PDZD2: variants seen among roughly 807,000 people sequenced by gnomAD.
The protein encoded by PDZD2 is PDZ domain-containing protein 2.
In PDZD2, 90 loss-of-function variants were observed where a neutral mutation model predicts 220.7. The ratio of observed to expected loss-of-function variants is 0.41; its 90% CI spans 0.34 to 0.49. The LOEUF (loss-of-function observed/expected upper bound fraction) is 0.49, where lower values mean the gene tolerates loss of function less well. PDZD2 is among the 20% of genes least tolerant of loss of function. The probability of loss-of-function intolerance (pLI) is 0.28; values close to 1 mark genes in which losing one functional copy is unlikely to be tolerated. For synonymous variants in PDZD2, 1,375 were observed against 1,450.5 expected, an observed-to-expected ratio of 0.95 and a Z score of 1.18; for missense variants, 3,174 against 3,608.5, an observed-to-expected ratio of 0.88 and a Z score of 3.08.
At chr5:32,017,069 C>T (rs1250791537) in intron 6 of PDZD2, among the ~76,000 whole-genome samples, 3 of 152,130 alleles carry the variant, frequency 2.0e-5, no homozygotes, top group Admixed American at 1.3e-4. Context: ...CTCACCATCC[C>T]GCAATGCCCC....
intron 1 of PDZD2, among the ~76,000 whole-genome samples, chr5:31,794,931 C>G (rs1753942562): frequency 6.6e-6 from 1 of 152,102 alleles, no homozygotes; most frequent in Non-Finnish European, 1.5e-5. Context: ...TACATGACAG[C>G]CCGGTGTGAA....
chr5:31,790,573 G>C (rs958566030), intron 1 of PDZD2, among the ~76,000 whole-genome samples: 1 of 152,018 alleles, frequency 6.6e-6, no homozygotes, highest in Admixed American at 6.6e-5. Flanking sequence ...AAGCATCCCA[G>C]GCTGTTGTGG....
At chr5:31,973,443 C>T (rs1045864485) in intron 2 of PDZD2, among the ~76,000 whole-genome samples, 11 of 152,176 alleles carry the variant, frequency 7.2e-5, no homozygotes, top group Admixed American at 2.0e-4. Context: ...TCTCCCTCTT[C>T]GTACTCCTTA....
intron 23 of PDZD2, chr5:32,099,129 A>T (rs1337395696): frequency 1.3e-5 from 2 of 154,810 alleles, no homozygotes; most frequent in African/African-American, 2.4e-5. Flanking sequence ...AACCAAGAAG[A>T]ACTCACTGGA....
rs1434643529 is a variant in PDZD2, at chr5:32,083,360, C to T, written c.3683-3771C>T. 2.0e-5 allele frequency: 3 copies of T among 152,224 alleles called. No individual in the cohort carries two copies. Among genetic ancestry groups the T allele is most frequent in the Non-Finnish European group, 4.4e-5 (3 of 68,050 alleles). 9.4% of individuals were successfully genotyped at this position (152,224 alleles called of 1,614,324 possible). A position where few individuals can be genotyped will look rare whatever the true frequency, so the allele number is the denominator to read the frequency against. On this transcript the variant is annotated intron_variant, in intron 19 of 24. Coordinates refer to ENST00000438447, the MANE Select transcript of PDZD2 (RefSeq NM_178140.4). This position sits in a 1 kb window ranked among gnomAD's most constrained non-coding sequence, Gnocchi z 4.1. ...CAGGCTGTCCCTCGCACTGACCACT[C>T]TGCTGTCAGCACACCCATAGCCTAC...
intron 9 of PDZD2, among the ~76,000 whole-genome samples, chr5:32,052,994 G>A (rs993412645): frequency 2.0e-5 from 3 of 152,070 alleles, no homozygotes; most frequent in African/African-American, 7.2e-5. Flanking sequence ...TCTTTAAATG[G>A]TTACTTTTTA....
intron 1 of PDZD2, among the ~76,000 whole-genome samples, chr5:31,652,809 G>A (rs1301821136): frequency 1.3e-5 from 2 of 152,116 alleles, no homozygotes; most frequent in Admixed American, 6.5e-5. Context: ...TCAGGAGTTC[G>A]AGACCAGCCT....
intron 2 of PDZD2, among the ~76,000 whole-genome samples, chr5:31,845,607 G>A (rs1438628819): frequency 6.6e-6 from 1 of 152,198 alleles, no homozygotes; most frequent in Non-Finnish European, 1.5e-5. Flanking sequence ...GAAGTGGCAG[G>A]AAGTAAGATC....
At chr5:31,951,647 A>G (rs1231893233) in intron 2 of PDZD2, among the ~76,000 whole-genome samples, 1 of 152,204 alleles carries the variant, frequency 6.6e-6, no homozygotes, top group Non-Finnish European at 1.5e-5. Context: ...TCCTTTGTAT[A>G]CATGTGCCAC....
chr5:31,815,202 G>A (rs1030388126), intron 2 of PDZD2, among the ~76,000 whole-genome samples: 6 of 135,842 alleles, frequency 4.4e-5, no homozygotes, highest in South Asian at 2.3e-4. Flanking sequence ...CTAAGATCGC[G>A]CCACTGCACT....
chr5:31,760,903 T>A (rs943456963), intron 1 of PDZD2, among the ~76,000 whole-genome samples: 1 of 152,024 alleles, frequency 6.6e-6, no homozygotes, highest in Non-Finnish European at 1.5e-5. Flanking sequence ...GCCTGGGCGA[T>A]GAGAGCGAGA....
intron 1 of PDZD2, among the ~76,000 whole-genome samples, chr5:31,684,628 T>C (rs1411808699): frequency 1.3e-5 from 2 of 152,154 alleles, no homozygotes; most frequent in Non-Finnish European, 2.9e-5. Flanking sequence ...TTAAAGTGTT[T>C]TCCATCTCAA....
chr5:31,767,529 C>T (rs1028290265), intron 1 of PDZD2, among the ~76,000 whole-genome samples: 10 of 152,234 alleles, frequency 6.6e-5, no homozygotes, highest in Non-Finnish European at 1.3e-4. Context: ...CCAAGACCTT[C>T]ATTTTTCTGT....
chr5:31,676,598 G>A (rs897622461), intron 1 of PDZD2, among the ~76,000 whole-genome samples: 5 of 142,524 alleles, frequency 3.5e-5, no homozygotes, highest in African/African-American at 1.1e-4. Context: ...ACAGAGTCTC[G>A]CTCTGTCACC....
Position 32,002,770 on chromosome 5 carries a change from CACACCAACACACA to C in PDZD2, c.1254+2502_1254+2514del, listed in dbSNP as rs1471968474. Among the ~76,000 whole-genome samples, 49 of 126,726 alleles carry C rather than the reference CACACCAACACACA, an allele frequency of 3.9e-4. 1 individual carries two copies. The highest frequency in any genetic ancestry group is 7.5e-4 in the East Asian group (3 of 3,986). 83.1% of individuals were successfully genotyped at this position (126,726 alleles called of 152,430 possible). A position where few individuals can be genotyped will look rare whatever the true frequency, so the allele number is the denominator to read the frequency against. The stretch of plus-strand genomic sequence containing the variant: ...CAACACACACACCCCACACACCACA[CACACCAACACACA>C]ACCACACACACCACCAACACAACCA... On this transcript the variant is annotated intron_variant, in intron 5 of 24. Transcript: ENST00000438447.
chr5:31,673,947 G>T (rs1487996015), intron 1 of PDZD2, among the ~76,000 whole-genome samples: 1 of 152,072 alleles, frequency 6.6e-6, no homozygotes, highest in Non-Finnish European at 1.5e-5. Flanking sequence ...CTCCAGCCTG[G>T]GCAACAGAGC....
intron 1 of PDZD2, among the ~76,000 whole-genome samples, chr5:31,708,881 GTTTT>G (rs33947537): frequency 0.046 from 2,848 of 61,746 alleles, 100 homozygotes; most frequent in African/African-American, 0.19. Context: ...AATGTGTTTT[GTTTT>G]TTTTTTTTTT....
chr5:32,076,178 C>T (rs760562464), intron 18 of PDZD2, among the ~76,000 whole-genome samples: 13 of 150,306 alleles, frequency 8.6e-5, no homozygotes, highest in East Asian at 4.0e-4. Flanking sequence ...CCCAGCTACT[C>T]GGGAGTCTGA....
At chr5:31,789,392 T>C (rs1348176134) in intron 1 of PDZD2, among the ~76,000 whole-genome samples, 1 of 152,228 alleles carries the variant, frequency 6.6e-6, no homozygotes, top group Non-Finnish European at 1.5e-5. Flanking sequence ...GGATACTCTG[T>C]AGGGAACTAG....
Sources: allele counts gnomAD v4.1 joint callset (sites outside exome capture counted in the v4.1 genomes callset), GRCh38; gene constraint gnomAD v4.1.1; non-coding constraint Gnocchi (gnomAD v3.1); transcripts MANE v1.5; gene names NCBI Gene and HGNC (gene_info 2026-07-23, HGNC 2026-07-21).